The following DACT3 variants were observed in gnomAD, a reference collection of about 807,000 sequenced individuals.
DACT3 encodes dishevelled binding antagonist of beta catenin 3.
A neutral mutation model predicts 19.6 loss-of-function variants in DACT3; 5 were observed. The observed-to-expected ratio is 0.26, with a 90% confidence interval of 0.13 to 0.54. DACT3 has a LOEUF of 0.54. Among genes scored for constraint, DACT3 ranks in the 20% least tolerant of loss-of-function variants. The probability of loss-of-function intolerance (pLI) is 0.95; values close to 1 mark genes in which losing one functional copy is unlikely to be tolerated. For synonymous variants in DACT3, 454 were observed against 428.1 expected (o/e 1.06, Z -0.75); for missense variants, 908 against 927.4 (o/e 0.98, Z 0.27).
intron 1 of DACT3, among the ~76,000 whole-genome samples, chr19:46,658,742 C>A (rs1486857042): frequency 6.6e-6 from 1 of 152,138 alleles, no homozygotes; most frequent in Non-Finnish European, 1.5e-5. Flanking sequence ...CCCTGGAGAC[C>A]CCTTTGCCCA....
chr19:46,656,984 A>G (rs535371396), intron 1 of DACT3, among the ~76,000 whole-genome samples: 1 of 152,336 alleles, frequency 6.6e-6, no homozygotes, highest in East Asian at 1.9e-4. Flanking sequence ...CTGGGACCTC[A>G]CCCAAGAAAC....
Position 46,649,640 on chromosome 19 carries a change from GC to G in DACT3, c.731del (p.Gly244AlafsTer77). 4 of 1,144,270 alleles carry G rather than the reference GC, an allele frequency of 3.5e-6. No individual in the cohort carries two copies. Among genetic ancestry groups the G allele is most frequent in the Admixed American group, 4.9e-5 (1 of 20,322 alleles). 70.9% of individuals were successfully genotyped at this position (1,144,270 alleles called of 1,614,324 possible). A position where few individuals can be genotyped will look rare whatever the true frequency, so the allele number is the denominator to read the frequency against. On this transcript the variant is annotated frameshift_variant, in exon 4 of 4. Coordinates refer to ENST00000391916, the MANE Select transcript of DACT3 (RefSeq NM_145056.3). LOFTEE classifies it low-confidence loss of function (END_TRUNC). ...TGTAGCCGTCCAGGGGCCGCCCTGC[GC>G]CCCCCGCGTCGGGCGAGTCGGTGGG... ...RPPTDSPDAG[G>X]AGRPLDGYIS... is the part of the protein sequence containing the mutation.
chr19:46,652,374 G>A (rs946369812), intron 3 of DACT3: 11 of 444,312 alleles, frequency 2.5e-5, no homozygotes, highest in Admixed American at 1.5e-4. Flanking sequence ...TTGTATAGAC[G>A]GGGTTTCACT....
chr19:46,650,089 GCCTCT>G (rs2052968154), intron 3 of DACT3: 1 of 350,608 alleles, frequency 2.9e-6, no homozygotes, highest in Admixed American at 5.0e-5. Flanking sequence ...TCCTGCCTCT[GCCTCT>G]GCCTCTCCAA....
chr19:46,654,677 C>T, intron 1 of DACT3: 1 of 985,378 alleles, frequency 1.0e-6, no homozygotes, highest in Non-Finnish European at 1.2e-6. Flanking sequence ...CAGCAGGCAG[C>T]CTCGGGCTGA....
chr19:46,652,927 C>T (rs2053000368), intron 2 of DACT3, 52 bp downstream of exon 2: 11 of 1,546,376 alleles, frequency 7.1e-6, no homozygotes, highest in Middle Eastern at 2.0e-4. Context: ...AATAGGGATA[C>T]GGGGAACATG....
In DACT3 at chr19:46,660,950, A is replaced by T; in HGVS notation, c.115T>A (p.Tyr39Asn). Residue 39 changes from tyrosine to asparagine, a missense_variant, in exon 1 of 4, where the codon TAC (tyrosine) becomes AAC (asparagine). By Grantham distance (143) the Tyr-to-Asn change is moderately radical (BLOSUM62 -2). Coordinates refer to ENST00000391916, the MANE Select transcript of DACT3 (RefSeq NM_145056.3). This position sits in a 1 kb window ranked among gnomAD's most constrained non-coding sequence, Gnocchi z 4.9. ...AGCCGCAGCGCCTGCTGCACGCGGT[A>T]CTCCTGCCTCTCCCGGAGCCAATGT... Reference protein sequence around the residue: ...ELHWLRERQEYRVQQALRLAQ... With the variant: ...ELHWLRERQENRVQQALRLAQ... The T allele has an allele frequency of 6.5e-7, 1 of 1,539,066 alleles. No homozygotes were observed.
chr19:46,649,428 GT>G lies in DACT3; in HGVS notation c.943del (p.Thr315ProfsTer6). The G allele has an allele frequency of 7.9e-7, 1 of 1,267,208 alleles. No homozygotes were observed. 78.5% of individuals were successfully genotyped at this position (1,267,208 alleles called of 1,614,324 possible). A position where few individuals can be genotyped will look rare whatever the true frequency, so the allele number is the denominator to read the frequency against. On this transcript the variant is annotated frameshift_variant, in exon 4 of 4. Coordinates refer to ENST00000391916, the MANE Select transcript of DACT3 (RefSeq NM_145056.3). LOFTEE classifies it low-confidence loss of function (END_TRUNC). ...GGCGCGGCTCAAGGCGGCAGGGCTG[GT>G]GGGGTGGCCCCCGACGCGCTCCAAC... ...PSLERVGGHPTSPAALSRAWA... is the reference protein window; with the variant it reads ...PSLERVGGHPXSPAALSRAWA...
intron 3 of DACT3, 35 bp downstream of exon 3, chr19:46,652,624 TC>T: frequency 6.5e-7 from 1 of 1,545,978 alleles, no homozygotes; most frequent in Non-Finnish European, 8.7e-7. Context: ...TACTGTCCTT[TC>T]CCTGGCCCCA....
At position 46,648,803 on chromosome 19, in the gene DACT3, C is replaced by T; in HGVS notation, c.1569G>A (p.Glu523=). ...LLYGCAGSDS[E]CSAGRLGPLG... is the part of the protein sequence containing the mutation. ...GGGGCCCCAGGCGCCCAGCCGAGCACTCGGAGTCGCTGCCCGCGCAGCCGT... is the reference window on the plus strand; with the variant it reads ...GGGGCCCCAGGCGCCCAGCCGAGCATTCGGAGTCGCTGCCCGCGCAGCCGT... Residue 523 remains glutamate (E), a synonymous_variant, in exon 4 of 4, where the codon GAG becomes GAA. Transcript: ENST00000391916. The surrounding 1 kb of genome is among the most constrained non-coding windows in gnomAD (Gnocchi z 5.1). The T allele has an allele frequency of 6.5e-7, 1 of 1,532,252 alleles. No individual in the cohort carries two copies. Among genetic ancestry groups the T allele is most frequent in the Non-Finnish European group, 8.7e-7 (1 of 1,146,678 alleles). The allele number at this position is 1,532,252 out of a possible 1,614,324, so 94.9% of individuals were successfully genotyped here.
intron 2 of DACT3, 37 bp from the exon 3 acceptor site, chr19:46,652,849 T>C: frequency 2.6e-6 from 4 of 1,542,336 alleles, no homozygotes; most frequent in Non-Finnish European, 3.5e-6. Context: ...CTTCAGGGGG[T>C]TTGGGTGGGA....
intron 1 of DACT3, chr19:46,655,153 G>A (rs1411381605): frequency 3.0e-6 from 2 of 662,876 alleles, no homozygotes; most frequent in South Asian, 6.7e-5. Flanking sequence ...CCATGTATGC[G>A]CCTACCTCGG....
At chr19:46,657,454 C>T (rs906366856) in intron 1 of DACT3, among the ~76,000 whole-genome samples, 19 of 149,162 alleles carry the variant, frequency 1.3e-4, no homozygotes, top group African/African-American at 3.5e-4. Context: ...CCCGGGTTCA[C>T]GCCATTCTCC....
chr19:46,649,031 C>T lies in DACT3; in HGVS notation c.1341G>A (p.Ala447=), dbSNP rs1449654159. 2.4e-6 allele frequency: 3 copies of T among 1,270,822 alleles called. No homozygotes were observed. The highest frequency in any genetic ancestry group is 3.0e-6 in the Non-Finnish European group (3 of 1,009,986). 78.7% of individuals were successfully genotyped at this position (1,270,822 alleles called of 1,614,324 possible). ...VPSGPPKYPT[A]EREEPRPPRP... The stretch of plus-strand genomic sequence containing the variant: ...GTGGAGGCCGAGGCTCTTCCCGCTC[C>T]GCCGTGGGGTACTTAGGGGGCCCCG... The change falls in exon 4 of 4, where the codon GCG becomes GCA. Residue 447 remains alanine (A), a synonymous_variant. Transcript: ENST00000391916.
Position 46,648,430 on chromosome 19 carries a change from G to C in DACT3, c.*52C>G, listed in dbSNP as rs2052939334. On this transcript the variant is annotated 3_prime_UTR_variant, in exon 4 of 4. Transcript: ENST00000391916. This position sits in a 1 kb window ranked among gnomAD's most constrained non-coding sequence, Gnocchi z 5.1. ...TAGATGTGGAAGGGTCAGTGGTTGG[G>C]AGTGTGGAGGTGCAGAGGCCATGAA... 1 of 1,612,490 alleles carries C rather than the reference G, an allele frequency of 6.2e-7. No individual in the cohort carries two copies. The highest frequency in any genetic ancestry group is 1.3e-5 in the African/African-American group (1 of 74,968).
At position 46,653,061 on chromosome 19, in the gene DACT3, A is replaced by G. The variant is rs773383136; in HGVS notation, c.264T>C (p.Gly88=). 4 of 1,551,314 alleles carry G rather than the reference A, an allele frequency of 2.6e-6. No individual in the cohort carries two copies. The South Asian group carries it at 4.8e-5, about 18-fold the overall frequency. ...GCTGCTGTCCCAGGTCCCAGACGAG[A>G]CCAGGCAGGGCCTCCTGAAGGCATA... The part of the protein sequence containing the change: ...ALEEQLEALP[G]LVWDLGQQLG... The change falls in exon 2 of 4, where the codon GGT becomes GGC. Residue 88 remains glycine (G), a synonymous_variant. Transcript: ENST00000391916.
rs972124797 is a variant in DACT3, at chr19:46,655,923, C to A, written c.250-2848G>T. Reference sequence around the variant, plus strand: ...CCAGTCTCTCTCTCTCTCTCTCTCTCTCTATATATATATATATATATATAC... The same window carrying A: ...CCAGTCTCTCTCTCTCTCTCTCTCTATCTATATATATATATATATATATAC... On this transcript the variant is annotated intron_variant, in intron 1 of 3. Coordinates refer to ENST00000391916, the MANE Select transcript of DACT3 (RefSeq NM_145056.3). Among the ~76,000 whole-genome samples the A allele has an allele frequency of 3.3e-3, 357 of 109,638 alleles. 7 individuals carry two copies. The highest frequency in any genetic ancestry group is 0.029 in the Admixed American group (310 of 10,526). 71.9% of individuals were successfully genotyped at this position (109,638 alleles called of 152,430 possible).
intron 1 of DACT3, chr19:46,654,647 G>A: frequency 1.0e-6 from 1 of 985,460 alleles, no homozygotes; most frequent in Non-Finnish European, 1.2e-6. Context: ...TCTCACATGG[G>A]TCTGAGTGAG....
In DACT3 at chr19:46,649,285, C is replaced by T; in HGVS notation, c.1087G>A (p.Ala363Thr). The change falls in exon 4 of 4, where the codon GCG becomes ACG. Residue 363 changes from alanine (A) to threonine (T), a missense_variant. Coordinates refer to ENST00000391916, the MANE Select transcript of DACT3 (RefSeq NM_145056.3). Reference sequence around the variant, plus strand: ...GGGAGGCCTCGGGTGGCCGCCTGCGCGCCCGGGATGTACTGCGCCTTCACC... The same window carrying T: ...GGGAGGCCTCGGGTGGCCGCCTGCGTGCCCGGGATGTACTGCGCCTTCACC... ...RLVKAQYIPG[A>T]QAATRGLPGR... 8.2e-7 allele frequency: 1 copy of T among 1,215,992 alleles called. No homozygotes were observed. The highest frequency in any genetic ancestry group is 1.0e-6 in the Non-Finnish European group (1 of 977,544). 75.3% of individuals were successfully genotyped at this position (1,215,992 alleles called of 1,614,324 possible).
Sources: allele counts gnomAD v4.1 joint callset (sites outside exome capture counted in the v4.1 genomes callset), GRCh38; gene constraint gnomAD v4.1.1; non-coding constraint Gnocchi (gnomAD v3.1); transcripts MANE v1.5; gene names NCBI Gene and HGNC (gene_info 2026-07-23, HGNC 2026-07-21).